Variants in RFX3 observed in about 807,000 individuals in gnomAD.
RFX3 encodes regulatory factor X3, also known as transcription factor RFX3.
RFX3 carries 14 observed loss-of-function variants against 98.6 expected under a neutral mutation model. The observed-to-expected ratio is 0.14, with a 90% CI of 0.09 to 0.22. RFX3 has a LOEUF of 0.22. Ranked by LOEUF, RFX3 falls within the 10% of genes least tolerant of loss-of-function variation. RFX3 has a pLI of 1.00. For synonymous variants in RFX3, 383 were observed against 328.4 expected (o/e 1.17, Z -1.80); for missense variants, 639 against 926.9 (o/e 0.69, Z 4.03).
intron 1 of RFX3, among the ~76,000 whole-genome samples, chr9:3,445,081 T>C (rs534440289): frequency 6.6e-6 from 1 of 152,314 alleles, no homozygotes; most frequent in East Asian, 1.9e-4. Context: ...CCCAACATTT[T>C]GAATGGTTTA....
intron 1 of RFX3, among the ~76,000 whole-genome samples, chr9:3,438,709 A>T (rs1324532709): frequency 1.3e-5 from 2 of 152,112 alleles, no homozygotes; most frequent in African/African-American, 4.8e-5. Flanking sequence ...CCACACTAAT[A>T]CCAGTCAAAA....
intron 2 of RFX3, among the ~76,000 whole-genome samples, chr9:3,380,166 A>G (rs1052481675): frequency 2.2e-4 from 33 of 152,094 alleles, no homozygotes; most frequent in African/African-American, 6.8e-4. Context: ...ACCTCAGGTG[A>G]TCCACCAGCC....
chr9:3,365,589 A>G (rs1836967817), intron 2 of RFX3, among the ~76,000 whole-genome samples: 1 of 152,198 alleles, frequency 6.6e-6, no homozygotes, highest in African/African-American at 2.4e-5. Context: ...GGGTAAAGTT[A>G]ATTTTGAAGC....
intron 2 of RFX3, among the ~76,000 whole-genome samples, chr9:3,391,240 A>C (rs1840278641): frequency 6.6e-6 from 1 of 152,166 alleles, no homozygotes; most frequent in Admixed American, 6.5e-5. Context: ...TTATAGCATG[A>C]ATCTTATCAG....
intron 15 of RFX3, chr9:3,247,789 T>C: frequency 6.2e-7 from 1 of 1,601,350 alleles, no homozygotes. Context: ...GGTACCTGTA[T>C]AATATAGAGA....
chr9:3,322,868 G>C (rs1452225090), intron 4 of RFX3, among the ~76,000 whole-genome samples: 1 of 152,114 alleles, frequency 6.6e-6, no homozygotes. Context: ...ACCTCCCTTT[G>C]AATTTGTATT....
intron 3 of RFX3, among the ~76,000 whole-genome samples, chr9:3,335,690 A>G (rs1833099868): frequency 6.6e-6 from 1 of 152,214 alleles, no homozygotes; most frequent in Non-Finnish European, 1.5e-5. Flanking sequence ...AGCAGAAGAG[A>G]AATCTTTCCA....
chr9:3,413,916 T>C (rs1187980609), intron 1 of RFX3, among the ~76,000 whole-genome samples: 1 of 152,116 alleles, frequency 6.6e-6, no homozygotes, highest in East Asian at 1.9e-4. Flanking sequence ...AGGCTAGTGT[T>C]TGGTACTTAG....
intron 2 of RFX3, among the ~76,000 whole-genome samples, chr9:3,377,236 C>A (rs1349944147): frequency 6.6e-6 from 1 of 152,154 alleles, no homozygotes; most frequent in Non-Finnish European, 1.5e-5. Flanking sequence ...AAATGTGGCA[C>A]ATATACACCA....
intron 14 of RFX3, among the ~76,000 whole-genome samples, chr9:3,250,282 T>A (rs1821213342): frequency 6.6e-6 from 1 of 152,026 alleles, no homozygotes. Context: ...CTAATTGCAT[T>A]TATCTTGCTG....
At chr9:3,316,375 T>G (rs1456069232) in intron 4 of RFX3, among the ~76,000 whole-genome samples, 1 of 152,170 alleles carries the variant, frequency 6.6e-6, no homozygotes, top group African/African-American at 2.4e-5. Context: ...GGGACGTATC[T>G]CAAAATAATA....
chr9:3,414,501 A>C (rs1233895131), intron 1 of RFX3, among the ~76,000 whole-genome samples: 1 of 150,948 alleles, frequency 6.6e-6, no homozygotes, highest in Non-Finnish European at 1.5e-5. Context: ...ATGTGTATAT[A>C]CATATATAAG....
chr9:3,372,342 T>C (rs1248666177), intron 2 of RFX3, among the ~76,000 whole-genome samples: 1 of 152,186 alleles, frequency 6.6e-6, no homozygotes, highest in Admixed American at 6.5e-5. Context: ...CTGTATCTTA[T>C]ATAATAAGAA....
chr9:3,380,597 G>C (rs548143531), intron 2 of RFX3, among the ~76,000 whole-genome samples: 2 of 152,236 alleles, frequency 1.3e-5, no homozygotes, highest in South Asian at 4.1e-4. Flanking sequence ...CATCTCATTA[G>C]ATCAAATTCA....
At chr9:3,272,033 CT>C (rs1321731830) in intron 9 of RFX3, among the ~76,000 whole-genome samples, 1 of 151,868 alleles carries the variant, frequency 6.6e-6, no homozygotes, top group Non-Finnish European at 1.5e-5. Context: ...GCATCTAAGA[CT>C]TTTTTTTATG....
chr9:3,345,936 G>A (rs1488272854), intron 3 of RFX3, among the ~76,000 whole-genome samples: 1 of 152,172 alleles, frequency 6.6e-6, no homozygotes, highest in Non-Finnish European at 1.5e-5. Context: ...ACACTGATGG[G>A]AGGTGGGCAG....
intron 1 of RFX3, among the ~76,000 whole-genome samples, chr9:3,486,225 T>G (rs1850263854): frequency 6.6e-6 from 1 of 151,000 alleles, no homozygotes; most frequent in Admixed American, 6.6e-5. Context: ...GGGTATGACC[T>G]ACCAAATATC....
intron 2 of RFX3, among the ~76,000 whole-genome samples, chr9:3,363,469 G>A (rs1036761781): frequency 3.9e-5 from 6 of 152,020 alleles, no homozygotes; most frequent in African/African-American, 9.7e-5. Context: ...TAAAGATGTC[G>A]GTTCTTTCAG....
At chr9:3,374,680 T>G (rs1838251372) in intron 2 of RFX3, among the ~76,000 whole-genome samples, 1 of 152,098 alleles carries the variant, frequency 6.6e-6, no homozygotes, top group African/African-American at 2.4e-5. Flanking sequence ...GAAACAAAAT[T>G]ACAACAGCAG....
Sources: allele counts gnomAD v4.1 joint callset (sites outside exome capture counted in the v4.1 genomes callset), GRCh38; gene constraint gnomAD v4.1.1; transcripts MANE v1.5; gene names NCBI Gene and HGNC (gene_info 2026-07-23, HGNC 2026-07-21).